The following DTWD2 variants were observed in gnomAD, a reference collection of about 807,000 sequenced individuals.
DTWD2 encodes the protein DTW motif tRNA-uridine aminocarboxypropyltransferase 2, also known as tRNA-uridine aminocarboxypropyltransferase 2.
A neutral mutation model predicts 31.8 loss-of-function variants in DTWD2; 39 were observed. That is an observed-to-expected ratio of 1.22 (90% CI 0.95 to 1.60). DTWD2 has a LOEUF of 1.60. DTWD2 is among the 40% of genes most tolerant of loss of function. DTWD2 has a pLI of 0.00. For synonymous variants in DTWD2, 180 were observed against 142.8 expected (o/e 1.26, Z -1.86); for missense variants, 515 against 381.5 (o/e 1.35, Z -2.92).
intron 1 of DTWD2, among the ~76,000 whole-genome samples, chr5:118,976,749 C>T (rs1755170991): frequency 6.6e-6 from 1 of 152,164 alleles, no homozygotes; most frequent in Admixed American, 6.5e-5. Flanking sequence ...ACGAATTCTA[C>T]CACAGGTACA....
At chr5:118,920,052 A>C (rs1394181968) in intron 4 of DTWD2, among the ~76,000 whole-genome samples, 1 of 152,026 alleles carries the variant, frequency 6.6e-6, no homozygotes, top group Non-Finnish European at 1.5e-5. Context: ...GAACCATCCC[A>C]AAACCATCCA....
chr5:118,954,490 CAATAGATATTGCTG>C (rs753241025), intron 1 of DTWD2, among the ~76,000 whole-genome samples: 1 of 152,086 alleles, frequency 6.6e-6, no homozygotes, highest in Non-Finnish European at 1.5e-5. Flanking sequence ...AGTAGGTGCT[CAATAGATATTGCTG>C]AATACATAAA....
In DTWD2 at chr5:118,848,273, A is replaced by G; in HGVS notation, c.598-55T>C. 2.0e-6 allele frequency: 3 copies of G among 1,488,488 alleles called. No homozygotes were observed. In the South Asian group the frequency reaches 4.0e-5, roughly 20 times the overall value. The allele number at this position is 1,488,488 out of a possible 1,614,324, so 92.2% of individuals were successfully genotyped here. On this transcript the variant is annotated intron_variant, in intron 4 of 5. Transcript: ENST00000510708. ...TTTTGTTTTAAATTTAAAATTATAAAGTTTGTGTTTTAAATACTAATTACT... is the reference window on the plus strand; with the variant it reads ...TTTTGTTTTAAATTTAAAATTATAAGGTTTGTGTTTTAAATACTAATTACT...
chr5:118,974,836 A>T (rs1755110844), intron 1 of DTWD2, among the ~76,000 whole-genome samples: 1 of 152,178 alleles, frequency 6.6e-6, no homozygotes, highest in African/African-American at 2.4e-5. Flanking sequence ...TTATTTAAGA[A>T]TGTTGAATAT....
intron 1 of DTWD2, among the ~76,000 whole-genome samples, chr5:118,967,962 A>G (rs1754891385): frequency 6.6e-6 from 1 of 152,244 alleles, no homozygotes; most frequent in Non-Finnish European, 1.5e-5. Context: ...AAAACACAGC[A>G]GAGACTACAT....
At chr5:118,954,525 C>CT (rs35427518) in intron 1 of DTWD2, among the ~76,000 whole-genome samples, 4,125 of 151,862 alleles carry the variant, frequency 0.027, 196 homozygotes, top group African/African-American at 0.093. Context: ...GGATTTTTTT[C>CT]TTTTTTTGAG....
chr5:118,866,953 T>C (rs1170016476), intron 4 of DTWD2, among the ~76,000 whole-genome samples: 1 of 151,812 alleles, frequency 6.6e-6, no homozygotes, highest in East Asian at 1.9e-4. Flanking sequence ...AAACTACAAA[T>C]TCAATATGAT....
rs766580871 is a variant in DTWD2, at chr5:118,836,857, T to C, written c.*4060A>G. ...TATTGTATTTCCCAGCCTCCAGACT[T>C]AGAAGAAATAAATTTCTGTTTTTTA... is the stretch of plus-strand genomic sequence containing the variant. On this transcript the variant is annotated 3_prime_UTR_variant, in exon 6 of 6. Coordinates refer to ENST00000510708, the MANE Select transcript of DTWD2 (RefSeq NM_173666.4). 6.6e-6 allele frequency among the ~76,000 whole-genome samples: 1 copy of C among 152,170 alleles called. No homozygotes were observed. The highest frequency in any genetic ancestry group is 2.1e-4 in the South Asian group (1 of 4,830).
At chr5:118,973,079 CTTTTT>C (rs767993540) in intron 1 of DTWD2, among the ~76,000 whole-genome samples, 1 of 140,000 alleles carries the variant, frequency 7.1e-6, no homozygotes, top group African/African-American at 2.7e-5. Flanking sequence ...TTGCAACCCC[CTTTTT>C]TTTTTTTTTT....
At chr5:118,945,702 T>C (rs1229494572) in intron 1 of DTWD2, among the ~76,000 whole-genome samples, 2 of 149,900 alleles carry the variant, frequency 1.3e-5, no homozygotes, top group Admixed American at 6.7e-5. Flanking sequence ...GAGATGGAGG[T>C]TGCAGTGAGC....
At chr5:118,931,747 T>C (rs1753929210) in intron 3 of DTWD2, among the ~76,000 whole-genome samples, 2 of 152,212 alleles carry the variant, frequency 1.3e-5, no homozygotes, top group Admixed American at 1.3e-4. Flanking sequence ...TTGATCTAAT[T>C]GATATTTATA....
At chr5:118,920,046 C>A (rs115145246) in intron 4 of DTWD2, among the ~76,000 whole-genome samples, 164 of 151,642 alleles carry the variant, frequency 1.1e-3, no homozygotes, top group African/African-American at 3.6e-3. Flanking sequence ...ATGCTTGAAC[C>A]ATCCCAAAAC....
chr5:118,891,598 C>A (rs1752978812), intron 4 of DTWD2, among the ~76,000 whole-genome samples: 1 of 152,292 alleles, frequency 6.6e-6, no homozygotes, highest in African/African-American at 2.4e-5. Flanking sequence ...GAGGCTTAAA[C>A]ACCAGCAGTC....
intron 3 of DTWD2, among the ~76,000 whole-genome samples, chr5:118,933,498 A>G (rs1263951800): frequency 6.6e-6 from 1 of 152,226 alleles, no homozygotes; most frequent in Non-Finnish European, 1.5e-5. Context: ...TTGGTTTAAC[A>G]TTCAAAATCA....
intron 2 of DTWD2, among the ~76,000 whole-genome samples, chr5:118,944,239 C>A (rs1172342341): frequency 6.6e-6 from 1 of 152,016 alleles, no homozygotes; most frequent in Non-Finnish European, 1.5e-5. Flanking sequence ...AAGCTATGAC[C>A]AAAATTTAAA....
At chr5:118,967,815 T>C (rs1009571279) in intron 1 of DTWD2, among the ~76,000 whole-genome samples, 11 of 152,302 alleles carry the variant, frequency 7.2e-5, no homozygotes, top group Admixed American at 1.3e-4. Context: ...ATAGCCATAA[T>C]TGTTGCAGAC....
intron 4 of DTWD2, among the ~76,000 whole-genome samples, chr5:118,851,235 A>AAAAG (rs1561425727): frequency 6.6e-6 from 1 of 151,596 alleles, no homozygotes; most frequent in Non-Finnish European, 1.5e-5. Context: ...AAAAAAAAAA[A>AAAAG]AAAGAAAGAA....
intron 4 of DTWD2, among the ~76,000 whole-genome samples, chr5:118,894,892 C>A (rs1753048484): frequency 6.6e-6 from 1 of 152,096 alleles, no homozygotes; most frequent in African/African-American, 2.4e-5. Flanking sequence ...CACAAAACCA[C>A]AGCTATTATC....
rs534473453 is a variant in DTWD2, at chr5:118,900,882, G to A, written c.597+27655C>T. Among the ~76,000 whole-genome samples the A allele has an allele frequency of 1.3e-4, 20 of 149,986 alleles. No individual in the cohort carries two copies. The East Asian group carries it at 2.8e-3, about 21-fold the overall frequency. ...AGAGCTTGCAGTGACCCGAGATCAC[G>A]CCACTGCCCTCCAGCCTGGGCAACA... On this transcript the variant is annotated intron_variant, in intron 4 of 5. Transcript: ENST00000510708.
Sources: gnomAD v4.1 joint callset for allele counts (sites outside exome capture counted in the v4.1 genomes callset) on GRCh38, gnomAD v4.1.1 for gene constraint, MANE v1.5 for transcripts, NCBI Gene and HGNC (gene_info 2026-07-23, HGNC 2026-07-21) for gene names.